The following SOX5 variants were observed in gnomAD, a reference collection of about 807,000 sequenced individuals.
SOX5 encodes SRY-box transcription factor 5, also known as transcription factor SOX-5.
In SOX5, 9 loss-of-function variants were observed where a neutral mutation model predicts 92.0. The ratio of observed to expected loss-of-function variants is 0.10; its 90% CI spans 0.06 to 0.17. The LOEUF (loss-of-function observed/expected upper bound fraction) is 0.17. SOX5 is among the 10% of genes least tolerant of loss of function. The probability of loss-of-function intolerance (pLI) is 1.00; values close to 1 mark genes in which losing one functional copy is unlikely to be tolerated. For synonymous variants in SOX5, 344 were observed against 336.3 expected, an observed-to-expected ratio of 1.02 and a Z score of -0.25; for missense variants, 642 against 944.5, an observed-to-expected ratio of 0.68 and a Z score of 4.20.
At chr12:24,419,659 C>G (rs1016312666) in intron 1 of SOX5, among the ~76,000 whole-genome samples, 3 of 152,132 alleles carry the variant, frequency 2.0e-5, no homozygotes, top group African/African-American at 7.2e-5. Flanking sequence ...ATGATGCTAG[C>G]TATGCTGTGC....
intron 6 of SOX5, among the ~76,000 whole-genome samples, chr12:23,719,804 A>AAC (rs2092711301): frequency 6.7e-6 from 1 of 150,346 alleles, no homozygotes; most frequent in African/African-American, 2.5e-5. Context: ...AAAAAAAAAA[A>AAC]AAAAAAACTG....
At chr12:24,509,938 C>G (rs1363017163) in intron 1 of SOX5, among the ~76,000 whole-genome samples, 5 of 152,176 alleles carry the variant, frequency 3.3e-5, no homozygotes, top group African/African-American at 1.2e-4. Flanking sequence ...TGCAATGTTA[C>G]TTTTATGGAT....
At chr12:24,412,390 T>C (rs902398704) in intron 1 of SOX5, among the ~76,000 whole-genome samples, 1 of 152,074 alleles carries the variant, frequency 6.6e-6, no homozygotes, top group Non-Finnish European at 1.5e-5. Context: ...TTTGAGACTT[T>C]TCCTCTTTTC....
intron 9 of SOX5, among the ~76,000 whole-genome samples, chr12:23,580,568 A>C (rs1949904503): frequency 6.6e-6 from 1 of 152,048 alleles, no homozygotes; most frequent in Non-Finnish European, 1.5e-5. Flanking sequence ...TACACATGGT[A>C]CAAGAAAATA....
intron 2 of SOX5, among the ~76,000 whole-genome samples, chr12:24,315,022 GGATT>G (rs1391711605): frequency 6.6e-6 from 1 of 152,142 alleles, no homozygotes; most frequent in Admixed American, 6.5e-5. Flanking sequence ...ATGAGTTAAT[GGATT>G]AATTAATGAG....
intron 8 of SOX5, among the ~76,000 whole-genome samples, chr12:23,623,440 T>G (rs886655071): frequency 6.6e-6 from 1 of 152,128 alleles, no homozygotes; most frequent in Non-Finnish European, 1.5e-5. Flanking sequence ...TTCTAGATTA[T>G]AAGATGTAGC....
At chr12:23,843,680 C>T (rs532211224) in intron 3 of SOX5, among the ~76,000 whole-genome samples, 3 of 147,964 alleles carry the variant, frequency 2.0e-5, no homozygotes, top group South Asian at 2.1e-4. Flanking sequence ...TGTCCTGCCT[C>T]GGCTGCTCAA....
intron 3 of SOX5, among the ~76,000 whole-genome samples, chr12:24,243,085 G>T (rs11047327): frequency 6.6e-6 from 1 of 151,838 alleles, no homozygotes. Context: ...GGATTATGAA[G>T]GTTTTTGCTT....
Position 24,158,108 on chromosome 12 carries a change from A to G in SOX5, c.-2+55235T>C, listed in dbSNP as rs139247597. ...TTTCTTCACAGGAAAAATCCAACAC[A>G]TTTAGAAAACCAAAACCTTTCAAAT... is the stretch of plus-strand genomic sequence containing the variant. On this transcript the variant is annotated intron_variant, in intron 4 of 4. Coordinates refer to the SOX5 transcript ENST00000446891. Among the ~76,000 whole-genome samples the G allele has an allele frequency of 1.8e-3, 272 of 152,194 alleles. 2 individuals carry two copies. The highest frequency in any genetic ancestry group is 6.2e-3 in the African/African-American group (259 of 41,576).
intron 6 of SOX5, among the ~76,000 whole-genome samples, chr12:23,723,583 C>T (rs111591761): frequency 0.1 from 9,319 of 90,548 alleles, 702 homozygotes; most frequent in African/African-American, 0.24. Flanking sequence ...TATATATATA[C>T]ACACACACAC....
intron 3 of SOX5, among the ~76,000 whole-genome samples, chr12:24,215,833 C>T (rs1388990787): frequency 6.6e-6 from 1 of 151,260 alleles, no homozygotes; most frequent in African/African-American, 2.4e-5. Flanking sequence ...GGGGATGTAT[C>T]CTTCCCAACT....
chr12:23,700,176 G>A (rs944326780), intron 6 of SOX5, among the ~76,000 whole-genome samples: 1 of 152,032 alleles, frequency 6.6e-6, no homozygotes, highest in East Asian at 1.9e-4. Context: ...AATTTAATAC[G>A]AGTGGAATTT....
chr12:24,538,574 T>C (rs577262641), intron 1 of SOX5, among the ~76,000 whole-genome samples: 15 of 148,754 alleles, frequency 1.0e-4, no homozygotes, highest in African/African-American at 3.8e-4. Context: ...GATGTTGGCA[T>C]TACTTGGTAT....
chr12:24,405,543 G>A (rs1010139078), intron 1 of SOX5, among the ~76,000 whole-genome samples: 3 of 152,194 alleles, frequency 2.0e-5, no homozygotes, highest in Non-Finnish European at 2.9e-5. Flanking sequence ...TATAAAATAA[G>A]CTAAGGGCAG....
chr12:24,426,685 CT>C (rs1966810362), intron 1 of SOX5, among the ~76,000 whole-genome samples: 1 of 152,188 alleles, frequency 6.6e-6, no homozygotes. Context: ...AATTTCATAT[CT>C]TAGTCTTCGC....
At chr12:23,918,607 G>A (rs2097444490) in intron 1 of SOX5, among the ~76,000 whole-genome samples, 1 of 152,120 alleles carries the variant, frequency 6.6e-6, no homozygotes, top group African/African-American at 2.4e-5. Context: ...TATTTTACCT[G>A]CCTATATTTC....
intron 1 of SOX5, among the ~76,000 whole-genome samples, chr12:23,944,720 T>C (rs1944257189): frequency 6.6e-6 from 1 of 152,148 alleles, no homozygotes; most frequent in Non-Finnish European, 1.5e-5. Flanking sequence ...AGGAAGGAGA[T>C]AATGAATGAA....
intron 1 of SOX5, among the ~76,000 whole-genome samples, chr12:24,417,556 A>G (rs1304883734): frequency 6.6e-6 from 1 of 152,246 alleles, no homozygotes; most frequent in African/African-American, 2.4e-5. Context: ...GAACAGCTCA[A>G]AGACATAAAG....
chr12:24,391,063 T>C, intron 1 of SOX5, among the ~76,000 whole-genome samples: 1 of 152,194 alleles, frequency 6.6e-6, no homozygotes, highest in Non-Finnish European at 1.5e-5. Flanking sequence ...TGTTCTCTCT[T>C]CTTCCCATTC....
Sources: allele counts gnomAD v4.1 joint callset (sites outside exome capture counted in the v4.1 genomes callset), GRCh38; gene constraint gnomAD v4.1.1; transcripts MANE v1.5; gene names NCBI Gene and HGNC (gene_info 2026-07-23, HGNC 2026-07-21).